The following CTNNA1 variants were observed in gnomAD, a reference collection of about 807,000 sequenced individuals.
CTNNA1 encodes the protein catenin alpha 1.
Under a neutral mutation model 98.4 loss-of-function variants are expected in CTNNA1, and 37 were observed. The ratio of observed to expected loss-of-function variants is 0.38; its 90% confidence interval spans 0.29 to 0.49. The LOEUF is 0.49. CTNNA1 is among the 20% of genes least tolerant of loss of function. The pLI, the probability that CTNNA1 is intolerant of heterozygous loss-of-function variation, is 0.95. For missense variants in CTNNA1, 761 were observed against 1,147.2 expected (o/e 0.66, Z 4.86); for synonymous variants, 404 against 413.2 (o/e 0.98, Z 0.27).
rs375703831 is a variant in CTNNA1 at position 138,859,918 on chromosome 5, C to T, written c.1063-26294C>T. 2.0e-4 allele frequency among the ~76,000 whole-genome samples: 30 copies of T among 152,188 alleles called. 1 individual carries two copies. The South Asian group carries it at 5.6e-3, about 28-fold the overall frequency. On this transcript the variant is annotated intron_variant, in intron 7 of 17. Coordinates refer to ENST00000302763, the MANE Select transcript of CTNNA1 (RefSeq NM_001903.5). ...GCAAGACCCAGTCTCAACAACTAAACAAAAAACAGAAGTCTAACCTTTCAT... is the reference window on the plus strand; with the variant it reads ...GCAAGACCCAGTCTCAACAACTAAATAAAAAACAGAAGTCTAACCTTTCAT...
chr5:138,859,160 G>A (rs776631287), intron 7 of CTNNA1, among the ~76,000 whole-genome samples: 3 of 152,092 alleles, frequency 2.0e-5, no homozygotes, highest in Non-Finnish European at 4.4e-5. Context: ...TTGATATGTC[G>A]TTTCCAGTCA....
intron 1 of CTNNA1, among the ~76,000 whole-genome samples, chr5:138,768,046 G>C (rs1753124833): frequency 6.6e-6 from 1 of 152,174 alleles, no homozygotes; most frequent in South Asian, 2.1e-4. Context: ...TTCAGATTCA[G>C]ATTCTCACAG....
intron 7 of CTNNA1, chr5:138,869,015 T>C (rs1581357329): frequency 7.9e-6 from 1 of 126,512 alleles, no homozygotes; most frequent in African/African-American, 3.0e-5. Flanking sequence ...CCCTGCATAA[T>C]AGTATTTTCT....
chr5:138,777,914 AG>A, intron 1 of CTNNA1, among the ~76,000 whole-genome samples: 1 of 49,798 alleles, frequency 2.0e-5, no homozygotes, highest in Non-Finnish European at 3.5e-5. Flanking sequence ...GAGGAGGGAG[AG>A]GGGGAGGAGG....
intron 1 of CTNNA1, 106 bp from the exon 2 acceptor site, chr5:138,781,817 G>A (rs1245287082): frequency 4.9e-6 from 5 of 1,019,920 alleles, no homozygotes; most frequent in Non-Finnish European, 6.9e-6. Flanking sequence ...CATCTATAGT[G>A]AATATAGCTT....
Position 138,924,282 on chromosome 5 carries a change from G to T in CTNNA1, c.1547-228G>T, listed in dbSNP as rs933663149. On this transcript the variant is annotated intron_variant, in intron 11 of 17. Transcript: ENST00000302763. ...TTTTTGTGTGTGTTTTTTATTTTTTGTTTTTTTTTTTTTAAAAACCTGGAA... is the reference window on the plus strand; with the variant it reads ...TTTTTGTGTGTGTTTTTTATTTTTTTTTTTTTTTTTTTTAAAAACCTGGAA... Among the ~76,000 whole-genome samples the T allele has an allele frequency of 4.0e-3, 568 of 141,412 alleles. 1 individual carries two copies. Among genetic ancestry groups the T allele is most frequent in the African/African-American group, 0.011 (416 of 38,268 alleles). The allele number at this position is 141,412 out of a possible 152,430, so 92.8% of individuals were successfully genotyped here.
rs368911658 is a variant in CTNNA1 at position 138,802,980 on chromosome 5, T to A, written c.302-7058T>A. ...ACTTAGCTAATTAATTTTTTTTTTT[T>A]AAATAGAGACAGGTTCTCACTATGT... On this transcript the variant is annotated intron_variant, in intron 3 of 17. Coordinates refer to ENST00000302763, the MANE Select transcript of CTNNA1 (RefSeq NM_001903.5). Among the ~76,000 whole-genome samples the A allele has an allele frequency of 5.7e-3, 783 of 138,392 alleles. 2 individuals carry two copies. Among genetic ancestry groups the A allele is most frequent in the African/African-American group, 0.015 (571 of 37,920 alleles). The allele number at this position is 138,392 out of a possible 152,430, so 90.8% of individuals were successfully genotyped here.
At chr5:138,866,030 G>T (rs1764723476) in intron 7 of CTNNA1, among the ~76,000 whole-genome samples, 1 of 152,146 alleles carries the variant, frequency 6.6e-6, no homozygotes, top group Admixed American at 6.5e-5. Flanking sequence ...GGCTGCAGAG[G>T]CTGGGTGTGG....
chr5:138,799,182 C>CA (rs1757279751), intron 3 of CTNNA1, among the ~76,000 whole-genome samples: 2 of 151,982 alleles, frequency 1.3e-5, no homozygotes, highest in South Asian at 4.1e-4. Context: ...TTTTTTTAGA[C>CA]AGAGTTTCGC....
rs28363450 is a variant in CTNNA1 at position 138,895,269 on chromosome 5, A to G, written c.1296+7627A>G. Among the ~76,000 whole-genome samples the G allele has an allele frequency of 1.9e-3, 285 of 152,300 alleles. 4 individuals are homozygous for G. The highest frequency in any genetic ancestry group is 0.018 in the Admixed American group (268 of 15,302). ...ATTCTGATTTAGTGGGCTGAAGACT[A>G]TACTTTAGAAATGCAGAGCTCTACA... On this transcript the variant is annotated intron_variant, in intron 9 of 17. Transcript: ENST00000302763.
chr5:138,854,052 T>A (rs1763491417), intron 7 of CTNNA1, among the ~76,000 whole-genome samples: 1 of 152,254 alleles, frequency 6.6e-6, no homozygotes, highest in African/African-American at 2.4e-5. Flanking sequence ...CCTTTCCTGC[T>A]ATAGCATTCT....
intron 13 of CTNNA1, 112 bp from the exon 14 acceptor site, chr5:138,929,134 A>C (rs1764762916): frequency 1.3e-6 from 1 of 769,028 alleles, no homozygotes; most frequent in Non-Finnish European, 2.4e-6. Flanking sequence ...AGAACACTGC[A>C]CATTAAAATC....
intron 1 of CTNNA1, among the ~76,000 whole-genome samples, chr5:138,771,373 ATTAT>A (rs919367798): frequency 2.6e-5 from 4 of 152,050 alleles, no homozygotes; most frequent in South Asian, 2.1e-4. Flanking sequence ...TTTTATTATT[ATTAT>A]TTATTTATTT....
rs1766044570 is a variant in CTNNA1, at chr5:138,934,145, TC to T, written c.*57del. 1 of 1,361,218 alleles carries T rather than the reference TC, an allele frequency of 7.3e-7. No individual in the cohort carries two copies. Among genetic ancestry groups the T allele is most frequent in the Admixed American group, 1.8e-5 (1 of 54,796 alleles). The allele number at this position is 1,361,218 out of a possible 1,614,324, so 84.3% of individuals were successfully genotyped here. On this transcript the variant is annotated 3_prime_UTR_variant, in exon 18 of 18. Coordinates refer to ENST00000302763, the MANE Select transcript of CTNNA1 (RefSeq NM_001903.5). ...GGGGCTCCTGAATATCAGTCACTGT[TC>T]GTCACTCAAATGAATTTGCTAAATA...
chr5:138,830,607 G>A (rs1207188408), intron 7 of CTNNA1, among the ~76,000 whole-genome samples: 1 of 152,188 alleles, frequency 6.6e-6, no homozygotes, highest in Admixed American at 6.5e-5. Flanking sequence ...GAAGCAACTG[G>A]GGATAGATTT....
chr5:138,775,689 A>G (rs1754028019), intron 1 of CTNNA1, among the ~76,000 whole-genome samples: 1 of 142,120 alleles, frequency 7.0e-6, no homozygotes, highest in Non-Finnish European at 1.5e-5. Context: ...AAGTCTCTTT[A>G]GCCTCCTTTA....
rs1561581425 is a variant in CTNNA1 at position 138,840,715 on chromosome 5, T to TAGAAA, written c.1062+12997_1062+12998insAGAAA. ...CAATCATAACTTTCTACCCTAATAG[T>TAGAAA]TTTTATCCATTCATTTTACATTTTT... On this transcript the variant is annotated intron_variant, in intron 7 of 17. Transcript: ENST00000302763. 3.2e-3 allele frequency among the ~76,000 whole-genome samples: 482 copies of TAGAAA among 152,310 alleles called. 4 individuals are homozygous for TAGAAA. The highest frequency in any genetic ancestry group is 0.011 in the African/African-American group (465 of 41,548).
chr5:138,786,236 G>A (rs1377997097), intron 3 of CTNNA1, among the ~76,000 whole-genome samples: 3 of 152,078 alleles, frequency 2.0e-5, no homozygotes, highest in Non-Finnish European at 4.4e-5. Context: ...CATCATTATT[G>A]CATCAGATAT....
intron 3 of CTNNA1, 136 bp downstream of exon 3, chr5:138,783,508 G>C (rs1475446717): frequency 5.3e-5 from 37 of 695,788 alleles, no homozygotes; most frequent in Non-Finnish European, 7.2e-6. Context: ...TATTGGAGAT[G>C]TATTAAGTTG....
Sources: gnomAD v4.1 joint callset for allele counts (sites outside exome capture counted in the v4.1 genomes callset) on GRCh38, gnomAD v4.1.1 for gene constraint, MANE v1.5 for transcripts, NCBI Gene and HGNC (gene_info 2026-07-23, HGNC 2026-07-21) for gene names.